ACSM3: variants seen among roughly 807,000 people sequenced by gnomAD.
ACSM3 encodes acyl-coenzyme A synthetase ACSM3, mitochondrial.
A neutral mutation model predicts 74.1 loss-of-function variants in ACSM3; 61 were observed. The observed-to-expected ratio is 0.82, with a 90% confidence interval of 0.67 to 1.02. The LOEUF (loss-of-function observed/expected upper bound fraction) is 1.02, where lower values mean the gene tolerates loss of function less well. Ranked by LOEUF, ACSM3 falls within the 50% of genes least tolerant of loss-of-function variation. The pLI is 0.00. For missense variants in ACSM3, 660 were observed against 697.0 expected (o/e 0.95, Z 0.60); for synonymous variants, 213 against 241.5 (o/e 0.88, Z 1.09).
At chr16:20,727,255 A>G (rs1448794948) in intron 1 of ACSM3, 7 of 471,706 alleles carry the variant, frequency 1.5e-5, no homozygotes, top group African/African-American at 6.1e-5. Flanking sequence ...CCTAGCTTCT[A>G]TGCTTGCTGC....
chr16:20,738,753 C>T (rs1018127330), intron 1 of ACSM3: 12 of 916,988 alleles, frequency 1.3e-5, no homozygotes, highest in African/African-American at 1.7e-5. Flanking sequence ...CTCCACAGGC[C>T]AACTGCTAAT....
At chr16:20,676,656 CAGCCCTTATGGGAA>C (rs2020296192) in intron 1 of ACSM3, among the ~76,000 whole-genome samples, 1 of 152,144 alleles carries the variant, frequency 6.6e-6, no homozygotes, top group African/African-American at 2.4e-5. Flanking sequence ...TTACTAGCAG[CAGCCCTTATGGGAA>C]GAGAAGCTGG....
At chr16:20,752,005 C>T (rs1295003079) in intron 2 of ACSM3, among the ~76,000 whole-genome samples, 1 of 152,102 alleles carries the variant, frequency 6.6e-6, no homozygotes, top group Non-Finnish European at 1.5e-5. Context: ...TATAGTACTA[C>T]TTAGCTTACA....
At chr16:20,732,933 G>T in intron 1 of ACSM3, 1 of 163,162 alleles carries the variant, frequency 6.1e-6, no homozygotes, top group South Asian at 1.9e-4. Context: ...AACTCCCAAA[G>T]ACAATCATTG....
chr16:20,792,374 G>T (rs758241220), intron 12 of ACSM3, 39 bp downstream of exon 12: 3 of 1,607,928 alleles, frequency 1.9e-6, no homozygotes, highest in Non-Finnish European at 2.6e-6. Flanking sequence ...TAATTTGTTG[G>T]CAATTTAACA....
At chr16:20,684,849 GTGTT>G (rs1175004520) in intron 1 of ACSM3, among the ~76,000 whole-genome samples, 1 of 152,134 alleles carries the variant, frequency 6.6e-6, no homozygotes, top group African/African-American at 2.4e-5. Context: ...AAGTGTATGT[GTGTT>G]TGTGTGTGTG....
exon 2 of ACSM3, chr16:20,749,997 C>G (rs1446980592): frequency 6.6e-6 from 1 of 152,158 alleles, no homozygotes; most frequent in Admixed American, 6.5e-5. Context: ...TGGGGAGAGG[C>G]AAACAGGTAC....
At chr16:20,750,497 A>G (rs2079981429) in intron 2 of ACSM3, among the ~76,000 whole-genome samples, 1 of 152,132 alleles carries the variant, frequency 6.6e-6, no homozygotes, top group Admixed American at 6.5e-5. Flanking sequence ...CTTGTCAGCT[A>G]TCTGATTTCA....
intron 1 of ACSM3, among the ~76,000 whole-genome samples, chr16:20,715,602 TCAAAA>T (rs912927520): frequency 1.4e-5 from 2 of 141,748 alleles, no homozygotes; most frequent in Admixed American, 7.2e-5. Context: ...AGACTCCATC[TCAAAA>T]CAAAACAAAA....
chr16:20,757,696 G>A (rs2080043077), intron 3 of ACSM3, among the ~76,000 whole-genome samples: 1 of 150,970 alleles, frequency 6.6e-6, no homozygotes, highest in Non-Finnish European at 1.5e-5. Context: ...GTGAGAGAGG[G>A]CATCCCTGTC....
intron 2 of ACSM3, among the ~76,000 whole-genome samples, chr16:20,752,024 A>G (rs1021761038): frequency 5.9e-5 from 9 of 152,202 alleles, no homozygotes; most frequent in Admixed American, 2.0e-4. Context: ...CAGAGCTGCT[A>G]TGAGAAATAA....
At position 20,702,511 on chromosome 16, in the gene ACSM3, A is replaced by G. The variant is rs1030844566; in HGVS notation, c.-190+27689A>G. On this transcript the variant is annotated intron_variant, in intron 1 of 3. Transcript: ENST00000561584. ...TTTTTAATAATCACCATTCTGACTG[A>G]CGTGAGATGGTATCTCATTGTGATT... Among the ~76,000 whole-genome samples the G allele has an allele frequency of 2.6e-5, 4 of 152,130 alleles. No individual in the cohort carries two copies. In the South Asian group the frequency reaches 8.3e-4, roughly 31 times the overall value.
intron 12 of ACSM3, among the ~76,000 whole-genome samples, chr16:20,794,616 C>T (rs2080680419): frequency 6.6e-6 from 1 of 152,200 alleles, no homozygotes; most frequent in South Asian, 2.1e-4. Context: ...TTGAAGCCCA[C>T]TTATGGATTC....
intron 1 of ACSM3, among the ~76,000 whole-genome samples, chr16:20,691,903 C>T (rs574868906): frequency 6.6e-6 from 1 of 151,916 alleles, no homozygotes; most frequent in East Asian, 1.9e-4. Flanking sequence ...GTGGAGACAG[C>T]CCCCCTACAG....
intron 1 of ACSM3, among the ~76,000 whole-genome samples, chr16:20,688,971 A>G (rs2152331389): frequency 6.7e-6 from 1 of 148,536 alleles, no homozygotes; most frequent in South Asian, 2.1e-4. Flanking sequence ...ACTTATTAAC[A>G]TATATTTAAT....
chr16:20,796,836 T>A (rs947140023), intron 13 of ACSM3, 50 bp from the exon 14 acceptor site: 2 of 1,605,706 alleles, frequency 1.2e-6, no homozygotes, highest in Non-Finnish European at 8.5e-7. Context: ...ATTGGCTTTA[T>A]GTAAAGATAA....
chr16:20,687,582 ACATGGCT>A (rs2079575957), intron 1 of ACSM3, among the ~76,000 whole-genome samples: 1 of 152,168 alleles, frequency 6.6e-6, no homozygotes, highest in Non-Finnish European at 1.5e-5. Context: ...GAGCAGGAAA[ACATGGCT>A]CATTCAAGGG....
At chr16:20,756,558 C>T (rs368337053) in intron 3 of ACSM3, among the ~76,000 whole-genome samples, 15 of 152,224 alleles carry the variant, frequency 9.9e-5, no homozygotes, top group African/African-American at 2.4e-4. Context: ...GAGTAGGTTG[C>T]GAAAATTTTC....
chr16:20,787,704 A>T (rs1166587366), intron 9 of ACSM3, among the ~76,000 whole-genome samples: 1 of 152,216 alleles, frequency 6.6e-6, no homozygotes, highest in Non-Finnish European at 1.5e-5. Flanking sequence ...TTGCTGTGGA[A>T]ACCTGGTCTC....
Sources: gnomAD v4.1 joint callset for allele counts (sites outside exome capture counted in the v4.1 genomes callset) on GRCh38, gnomAD v4.1.1 for gene constraint, MANE v1.5 for transcripts, NCBI Gene and HGNC (gene_info 2026-07-23, HGNC 2026-07-21) for gene names.